Variants in KIAA1217 observed in about 807,000 individuals in gnomAD.
KIAA1217 encodes the protein KIAA1217.
A neutral mutation model predicts 163.9 loss-of-function variants in KIAA1217; 88 were observed. That is an observed-to-expected ratio of 0.54 (90% CI 0.45 to 0.64). KIAA1217 has a LOEUF of 0.64. KIAA1217 is among the 30% of genes least tolerant of loss of function. KIAA1217 has a pLI of 0.00. For missense variants in KIAA1217, 2,372 were observed against 2,475.0 expected, an observed-to-expected ratio of 0.96 and a Z score of 0.88; for synonymous variants, 903 against 923.1, an observed-to-expected ratio of 0.98 and a Z score of 0.39.
intron 6 of KIAA1217, among the ~76,000 whole-genome samples, chr10:24,493,390 C>A (rs1386918960): frequency 6.6e-6 from 1 of 152,226 alleles, no homozygotes. Flanking sequence ...TCCTCTCTCT[C>A]CTTTTCCTGT....
chr10:24,124,403 T>C (rs1319937919), intron 2 of KIAA1217, among the ~76,000 whole-genome samples: 1 of 152,106 alleles, frequency 6.6e-6, no homozygotes, highest in East Asian at 1.9e-4. Context: ...GTTCTGCTCA[T>C]TCTTTAGTAA....
intron 2 of KIAA1217, among the ~76,000 whole-genome samples, chr10:24,370,038 G>A (rs952921934): frequency 6.6e-6 from 1 of 152,180 alleles, no homozygotes; most frequent in African/African-American, 2.4e-5. Flanking sequence ...GGCCGAGGCA[G>A]GTAGATCACG....
intron 3 of KIAA1217, among the ~76,000 whole-genome samples, chr10:24,397,472 G>A (rs912754163): frequency 2.6e-5 from 4 of 152,090 alleles, no homozygotes; most frequent in East Asian, 1.9e-4. Context: ...TATGCTAGGC[G>A]GTATCTAACA....
intron 2 of KIAA1217, among the ~76,000 whole-genome samples, chr10:24,032,595 T>C (rs1235859279): frequency 6.6e-6 from 1 of 152,180 alleles, no homozygotes; most frequent in African/African-American, 2.4e-5. Flanking sequence ...CTCATTAGAA[T>C]CCTTTAAAGA....
intron 2 of KIAA1217, among the ~76,000 whole-genome samples, chr10:24,175,007 C>T (rs746643404): frequency 1.4e-5 from 2 of 143,974 alleles, no homozygotes; most frequent in Non-Finnish European, 3.0e-5. Flanking sequence ...CAGGTGTGCA[C>T]CACCATGCCT....
chr10:24,120,880 G>C (rs554760320), intron 2 of KIAA1217, among the ~76,000 whole-genome samples: 3 of 152,316 alleles, frequency 2.0e-5, no homozygotes, highest in Non-Finnish European at 2.9e-5. Flanking sequence ...AGGAGATGAT[G>C]ATGAGGAAGA....
At chr10:24,064,588 T>G (rs2060863173) in intron 2 of KIAA1217, among the ~76,000 whole-genome samples, 2 of 152,282 alleles carry the variant, frequency 1.3e-5, no homozygotes, top group South Asian at 4.2e-4. Context: ...TCAAGGATAT[T>G]GGTCTAAAAC....
chr10:24,062,760 G>A (rs1335727341), intron 2 of KIAA1217, among the ~76,000 whole-genome samples: 1 of 152,026 alleles, frequency 6.6e-6, no homozygotes, highest in Non-Finnish European at 1.5e-5. Flanking sequence ...CACCAACAAT[G>A]TAAAAGTGTT....
chr10:24,374,034 A>G (rs544440141), intron 2 of KIAA1217, among the ~76,000 whole-genome samples: 125 of 152,378 alleles, frequency 8.2e-4, no homozygotes, highest in African/African-American at 3.0e-3. Context: ...GGTGAAAATC[A>G]TGAATAACGT....
Position 23,730,998 on chromosome 10 carries a change from G to T in KIAA1217, c.-321+35764G>T, listed in dbSNP as rs528167246. Among the ~76,000 whole-genome samples, 481 of 152,212 alleles carry T rather than the reference G, an allele frequency of 3.2e-3. 10 individuals are homozygous for T. The highest frequency in any genetic ancestry group is 2.5e-3 in the South Asian group (12 of 4,828). ...TACCTTTTAATTCATTTTCTTGTCT[G>T]ATTGCATCAGCTAGCACTTCCAGTT... On this transcript the variant is annotated intron_variant, in intron 1 of 18. Coordinates refer to the KIAA1217 transcript ENST00000376462.
chr10:24,385,763 G>A (rs1222771244), intron 3 of KIAA1217, among the ~76,000 whole-genome samples: 1 of 152,178 alleles, frequency 6.6e-6, no homozygotes, highest in African/African-American at 2.4e-5. Context: ...AGTGAAAATA[G>A]AGAAGACCAG....
At chr10:24,102,130 A>G (rs931498188) in intron 2 of KIAA1217, among the ~76,000 whole-genome samples, 1 of 152,218 alleles carries the variant, frequency 6.6e-6, no homozygotes, top group Non-Finnish European at 1.5e-5. Flanking sequence ...TGACATGATT[A>G]TCTACATAGA....
chr10:23,869,152 T>G (rs1343027522), intron 1 of KIAA1217, among the ~76,000 whole-genome samples: 1 of 143,738 alleles, frequency 7.0e-6, no homozygotes, highest in Non-Finnish European at 1.5e-5. Context: ...TTTTTTTTTT[T>G]TTGCATAAGT....
chr10:23,779,901 G>A (rs1271279891), intron 1 of KIAA1217, among the ~76,000 whole-genome samples: 2 of 152,022 alleles, frequency 1.3e-5, no homozygotes, highest in Non-Finnish European at 2.9e-5. Flanking sequence ...TGTTACAATT[G>A]CCTACAATAT....
intron 14 of KIAA1217, among the ~76,000 whole-genome samples, chr10:24,531,324 T>C (rs1325683553): frequency 6.6e-6 from 1 of 152,238 alleles, no homozygotes; most frequent in East Asian, 1.9e-4. Flanking sequence ...AGCCAGATTC[T>C]ACTCTGACAT....
At chr10:24,179,189 T>C (rs1271183168) in intron 2 of KIAA1217, among the ~76,000 whole-genome samples, 1 of 152,196 alleles carries the variant, frequency 6.6e-6, no homozygotes. Context: ...TGTGTATAAG[T>C]GACAAGACAA....
At chr10:24,203,121 T>G (rs960586398) in intron 2 of KIAA1217, among the ~76,000 whole-genome samples, 1 of 151,372 alleles carries the variant, frequency 6.6e-6, no homozygotes, top group African/African-American at 2.4e-5. Flanking sequence ...GCCCAAGAAG[T>G]TGAAGCAGTG....
chr10:24,092,765 C>G (rs774243722), intron 2 of KIAA1217, among the ~76,000 whole-genome samples: 5 of 151,614 alleles, frequency 3.3e-5, no homozygotes, highest in Non-Finnish European at 7.4e-5. Context: ...GAGTGAACTA[C>G]TATGGGATAG....
intron 2 of KIAA1217, among the ~76,000 whole-genome samples, chr10:24,103,943 T>C (rs532425941): frequency 7.2e-5 from 11 of 152,318 alleles, no homozygotes; most frequent in African/African-American, 2.6e-4. Context: ...AACTGATCTT[T>C]GAGGAAGGAG....
Sources: allele counts gnomAD v4.1 joint callset (sites outside exome capture counted in the v4.1 genomes callset), GRCh38; gene constraint gnomAD v4.1.1; transcripts MANE v1.5; gene names NCBI Gene and HGNC (gene_info 2026-07-23, HGNC 2026-07-21).